OPCML: variants seen among roughly 807,000 people sequenced by gnomAD.
OPCML encodes the protein opioid-binding protein/cell adhesion molecule.
OPCML carries 13 observed loss-of-function variants against 37.8 expected under a neutral mutation model. The observed-to-expected ratio is 0.34, with a 90% confidence interval of 0.22 to 0.55. OPCML has a LOEUF of 0.55. OPCML is among the 20% of genes least tolerant of loss of function. The probability of loss-of-function intolerance (pLI) is 0.91; values close to 1 mark genes in which losing one functional copy is unlikely to be tolerated. For synonymous variants in OPCML, 176 were observed against 168.8 expected (o/e 1.04, Z -0.33); for missense variants, 341 against 435.6 (o/e 0.78, Z 1.93).
At chr11:133,405,174 C>T (rs1020025396) in intron 1 of OPCML, among the ~76,000 whole-genome samples, 1 of 152,196 alleles carries the variant, frequency 6.6e-6, no homozygotes, top group Non-Finnish European at 1.5e-5. Context: ...AAATCCTTGG[C>T]TCCCCTGGCT....
At chr11:133,491,452 C>G (rs528812794) in intron 1 of OPCML, among the ~76,000 whole-genome samples, 1 of 152,272 alleles carries the variant, frequency 6.6e-6, no homozygotes, top group African/African-American at 2.4e-5. Flanking sequence ...TGGGAACATT[C>G]TTATTGTGTG....
intron 1 of OPCML, chr11:133,117,730 G>T (rs1949358701): frequency 1.1e-6 from 1 of 917,472 alleles, no homozygotes; most frequent in Non-Finnish European, 1.3e-6. Context: ...ATCAACTGTA[G>T]GAAATGAAAA....
chr11:133,508,946 C>A (rs182184715), intron 1 of OPCML, among the ~76,000 whole-genome samples: 10 of 151,984 alleles, frequency 6.6e-5, no homozygotes, highest in South Asian at 2.1e-4. Context: ...TATGCTCAAC[C>A]CTTTCTCTTT....
At chr11:132,683,010 C>T (rs879443733) in intron 2 of OPCML, among the ~76,000 whole-genome samples, 1 of 152,200 alleles carries the variant, frequency 6.6e-6, no homozygotes, top group Non-Finnish European at 1.5e-5. Context: ...ATAACATTCT[C>T]ATTCTAGATT....
intron 1 of OPCML, among the ~76,000 whole-genome samples, chr11:133,053,254 G>A (rs757420423): frequency 5.9e-5 from 9 of 152,160 alleles, no homozygotes; most frequent in Non-Finnish European, 8.8e-5. Flanking sequence ...AGACTGCTTG[G>A]CACAGTGCCT....
chr11:133,422,872 C>T (rs940583599), intron 1 of OPCML: 6 of 954,202 alleles, frequency 6.3e-6, no homozygotes, highest in Non-Finnish European at 7.5e-6. Flanking sequence ...CATAAGAAAT[C>T]TGAGGCTTAG....
At chr11:133,455,640 C>T (rs1946658427) in intron 1 of OPCML, among the ~76,000 whole-genome samples, 1 of 152,194 alleles carries the variant, frequency 6.6e-6, no homozygotes, top group South Asian at 2.1e-4. Flanking sequence ...ATATCAATGC[C>T]TTCCTTTTGC....
At chr11:132,492,964 G>A (rs1462811579) in intron 4 of OPCML, among the ~76,000 whole-genome samples, 1 of 152,212 alleles carries the variant, frequency 6.6e-6, no homozygotes, top group Non-Finnish European at 1.5e-5. Context: ...GACTAGCACA[G>A]TACCTGGCAT....
rs541839502 is a variant in OPCML at position 133,176,867 on chromosome 11, G to A, written c.62-233857C>T. ...CTCTGCTGTGGTCTAAAAATAAATC[G>A]CCTGCAAGAACTCTGCAGCTGTCCG... On this transcript the variant is annotated intron_variant, in intron 1 of 7. Transcript: ENST00000524381. Among the ~76,000 whole-genome samples the A allele has an allele frequency of 9.9e-5, 15 of 152,206 alleles. No homozygotes were observed. The South Asian group carries it at 1.2e-3, about 13-fold the overall frequency.
At chr11:132,562,698 C>A (rs1386877695) in intron 3 of OPCML, among the ~76,000 whole-genome samples, 2 of 151,962 alleles carry the variant, frequency 1.3e-5, no homozygotes, top group African/African-American at 4.8e-5. Flanking sequence ...ACAGCAGGAA[C>A]TTTTGATGTG....
At chr11:133,334,202 TTGCA>T (rs1200471401) in intron 1 of OPCML, among the ~76,000 whole-genome samples, 1 of 152,178 alleles carries the variant, frequency 6.6e-6, no homozygotes, top group Non-Finnish European at 1.5e-5. Flanking sequence ...CAAATATTCA[TTGCA>T]GCACTCTTCA....
intron 1 of OPCML, among the ~76,000 whole-genome samples, chr11:133,140,979 A>G (rs142482908): frequency 2.0e-3 from 7 of 3,520 alleles, no homozygotes; most frequent in African/African-American, 3.5e-3. Context: ...AAGAAGAAGA[A>G]GAAGAAGAAG....
intron 2 of OPCML, among the ~76,000 whole-genome samples, chr11:132,822,839 T>A (rs1940074637): frequency 1.3e-5 from 2 of 152,180 alleles, no homozygotes; most frequent in South Asian, 4.1e-4. Context: ...GTTTCTACCC[T>A]TTCTGACTAA....
In OPCML at chr11:133,101,205, G is replaced by A. The variant is rs529647844; in HGVS notation, c.62-158195C>T. Among the ~76,000 whole-genome samples the A allele has an allele frequency of 1.5e-4, 23 of 152,276 alleles. No individual in the cohort carries two copies. In the South Asian group the frequency reaches 4.3e-3, roughly 29 times the overall value. ...CCCAAAGTGCTAGGGTGACAAGTGT[G>A]AGCCACCACGCCCAGCCCACAACAG... On this transcript the variant is annotated intron_variant, in intron 1 of 7. Transcript: ENST00000524381.
chr11:133,232,818 C>T (rs1940337114), intron 1 of OPCML, among the ~76,000 whole-genome samples: 2 of 152,110 alleles, frequency 1.3e-5, no homozygotes, highest in Non-Finnish European at 1.5e-5. Flanking sequence ...GGACTGCCAC[C>T]AAGTGAATAA....
intron 2 of OPCML, among the ~76,000 whole-genome samples, chr11:132,882,169 G>A (rs1255387471): frequency 6.6e-6 from 1 of 152,198 alleles, no homozygotes; most frequent in Non-Finnish European, 1.5e-5. Context: ...TCCAGAAATA[G>A]AGTTGTACAT....
intron 4 of OPCML, among the ~76,000 whole-genome samples, chr11:132,443,020 C>A (rs573764353): frequency 1.3e-5 from 2 of 152,348 alleles, no homozygotes; most frequent in African/African-American, 2.4e-5. Flanking sequence ...CATCTGGTTT[C>A]TCCATTTGGA....
At chr11:132,468,546 A>G (rs912128453) in intron 4 of OPCML, among the ~76,000 whole-genome samples, 4 of 152,238 alleles carry the variant, frequency 2.6e-5, no homozygotes, top group African/African-American at 9.6e-5. Flanking sequence ...TACAAAAATA[A>G]TTATTTAAAT....
intron 1 of OPCML, among the ~76,000 whole-genome samples, chr11:133,201,849 C>T (rs374949177): frequency 1.3e-5 from 2 of 152,322 alleles, no homozygotes; most frequent in African/African-American, 4.8e-5. Flanking sequence ...CCAAACTTAT[C>T]TGCCAGTATT....
Sources: gnomAD v4.1 joint callset for allele counts (sites outside exome capture counted in the v4.1 genomes callset) on GRCh38, gnomAD v4.1.1 for gene constraint, MANE v1.5 for transcripts, NCBI Gene and HGNC (gene_info 2026-07-23, HGNC 2026-07-21) for gene names.